Variants in SLC25A21 observed in about 807,000 individuals in gnomAD.
SLC25A21 encodes the protein solute carrier family 25 member 21, also known as mitochondrial 2-oxodicarboxylate carrier.
SLC25A21 carries 47 observed loss-of-function variants against 43.8 expected under a neutral mutation model. The ratio of observed to expected loss-of-function variants is 1.07; its 90% CI spans 0.85 to 1.37. The LOEUF (loss-of-function observed/expected upper bound fraction) is 1.37. Among genes scored for constraint, SLC25A21 ranks in the 40% most tolerant of loss-of-function variants. SLC25A21 has a pLI of 0.00. For missense variants in SLC25A21, 352 were observed against 350.2 expected, an observed-to-expected ratio of 1.00 and a Z score of -0.04; for synonymous variants, 131 against 121.3, an observed-to-expected ratio of 1.08 and a Z score of -0.52.
chr14:37,123,961 G>A (rs1307636796), intron 1 of SLC25A21, among the ~76,000 whole-genome samples: 2 of 151,692 alleles, frequency 1.3e-5, no homozygotes, highest in South Asian at 2.1e-4. Context: ...TCTTTGCTAC[G>A]CTTTTCTCCA....
At chr14:36,712,828 GACA>G (rs1381549334) in intron 6 of SLC25A21, among the ~76,000 whole-genome samples, 1 of 152,144 alleles carries the variant, frequency 6.6e-6, no homozygotes, top group African/African-American at 2.4e-5. Context: ...CTTTCTGTTT[GACA>G]ACATGAGATT....
chr14:36,973,216 A>C (rs1009185139), intron 1 of SLC25A21, among the ~76,000 whole-genome samples: 5 of 152,042 alleles, frequency 3.3e-5, no homozygotes, highest in Non-Finnish European at 5.9e-5. Context: ...AGTGTATGTA[A>C]GACAGATAGG....
chr14:36,911,644 A>T (rs1433562513), intron 1 of SLC25A21, among the ~76,000 whole-genome samples: 2 of 152,196 alleles, frequency 1.3e-5, no homozygotes, highest in African/African-American at 4.8e-5. Flanking sequence ...GAGGCTCTCT[A>T]GTCCCAGCCA....
intron 1 of SLC25A21, among the ~76,000 whole-genome samples, chr14:37,061,642 A>C (rs1349175101): frequency 6.6e-6 from 1 of 152,170 alleles, no homozygotes; most frequent in Non-Finnish European, 1.5e-5. Flanking sequence ...TTAGAAGGGA[A>C]AAGAAACAAA....
At chr14:36,831,622 G>A (rs570677722) in intron 2 of SLC25A21, among the ~76,000 whole-genome samples, 14 of 152,156 alleles carry the variant, frequency 9.2e-5, no homozygotes, top group Non-Finnish European at 1.6e-4. Context: ...CTTGGTGACT[G>A]ACTGTACAGT....
chr14:37,005,049 GCAGGGCTTCCGGTGAT>G (rs1960569800), intron 1 of SLC25A21, among the ~76,000 whole-genome samples: 1 of 151,672 alleles, frequency 6.6e-6, no homozygotes. Flanking sequence ...CCAATGGGAG[GCAGGGCTTCCGGTGAT>G]CTGTACTCAC....
intron 1 of SLC25A21, among the ~76,000 whole-genome samples, chr14:36,975,357 C>A (rs1959845815): frequency 6.6e-6 from 1 of 152,044 alleles, no homozygotes; most frequent in Non-Finnish European, 1.5e-5. Context: ...CCTCCTGTAC[C>A]CCAATAACTT....
chr14:36,902,439 A>G (rs1891421381), intron 1 of SLC25A21, among the ~76,000 whole-genome samples: 1 of 120,538 alleles, frequency 8.3e-6, no homozygotes, highest in Non-Finnish European at 1.7e-5. Context: ...TCGTATAGTA[A>G]AACACACACA....
chr14:37,015,395 T>G (rs1960830501), intron 1 of SLC25A21, among the ~76,000 whole-genome samples: 1 of 152,174 alleles, frequency 6.6e-6, no homozygotes, highest in Admixed American at 6.5e-5. Context: ...GGCTGCATAG[T>G]ATTCCATGGT....
At chr14:37,168,121 C>T (rs1964063104) in intron 1 of SLC25A21, among the ~76,000 whole-genome samples, 1 of 152,022 alleles carries the variant, frequency 6.6e-6, no homozygotes, top group Non-Finnish European at 1.5e-5. Context: ...CTACCATACT[C>T]CTTCCTGCAG....
chr14:36,792,205 C>T (rs558526175), intron 3 of SLC25A21, among the ~76,000 whole-genome samples: 11 of 152,040 alleles, frequency 7.2e-5, no homozygotes, highest in African/African-American at 1.9e-4. Context: ...ATGTGTCCCA[C>T]GCTAGTCCTA....
At chr14:37,124,703 T>G (rs1482408396) in intron 1 of SLC25A21, among the ~76,000 whole-genome samples, 9 of 152,172 alleles carry the variant, frequency 5.9e-5, no homozygotes, top group Non-Finnish European at 1.3e-4. Context: ...CCAAATTTCA[T>G]GTAAATTGTA....
At position 36,713,483 on chromosome 14, in the gene SLC25A21, C is replaced by T. The variant is rs1008071046; in HGVS notation, c.439-2001G>A. Reference sequence around the variant, plus strand: ...AGCAAATGTAATGCATCATTTTAAACTCAAGTGCTTTGTTGAGTTCGGACT... The same window carrying T: ...AGCAAATGTAATGCATCATTTTAAATTCAAGTGCTTTGTTGAGTTCGGACT... On this transcript the variant is annotated intron_variant, in intron 6 of 9. Coordinates refer to ENST00000331299, the MANE Select transcript of SLC25A21 (RefSeq NM_030631.4). Among the ~76,000 whole-genome samples the T allele has an allele frequency of 2.6e-5, 4 of 152,034 alleles. No individual in the cohort carries two copies. In the East Asian group the frequency reaches 5.8e-4, roughly 22 times the overall value.
intron 1 of SLC25A21, among the ~76,000 whole-genome samples, chr14:37,090,708 A>G (rs1409463235): frequency 1.3e-5 from 2 of 152,210 alleles, no homozygotes; most frequent in Non-Finnish European, 2.9e-5. Flanking sequence ...TTTCCTTTCA[A>G]TTAAGAGAAA....
chr14:37,080,175 TTACTC>T (rs1962358808), intron 1 of SLC25A21, among the ~76,000 whole-genome samples: 1 of 152,294 alleles, frequency 6.6e-6, no homozygotes, highest in East Asian at 1.9e-4. Flanking sequence ...ATATCTTTCT[TTACTC>T]TAAGTAAGAT....
intron 1 of SLC25A21, among the ~76,000 whole-genome samples, chr14:37,093,858 A>C (rs963258450): frequency 3.3e-5 from 5 of 152,210 alleles, no homozygotes; most frequent in Non-Finnish European, 5.9e-5. Context: ...TAGTAACTTA[A>C]AGAGAGATCT....
At chr14:37,009,079 C>G (rs1427581761) in intron 1 of SLC25A21, among the ~76,000 whole-genome samples, 1 of 152,192 alleles carries the variant, frequency 6.6e-6, no homozygotes, top group Non-Finnish European at 1.5e-5. Context: ...TTTTCCCCTA[C>G]CCCTACCCCA....
intron 1 of SLC25A21, among the ~76,000 whole-genome samples, chr14:37,011,693 T>C (rs1960736684): frequency 6.6e-6 from 1 of 152,178 alleles, no homozygotes; most frequent in Admixed American, 6.5e-5. Flanking sequence ...CGCCAGGCAC[T>C]GTTGCAAGCA....
intron 9 of SLC25A21, among the ~76,000 whole-genome samples, 161 bp downstream of exon 9, chr14:36,683,667 A>C (rs1797197793): frequency 6.6e-6 from 1 of 152,232 alleles, no homozygotes; most frequent in Non-Finnish European, 1.5e-5. Context: ...TTTCTAATGG[A>C]TGTCTTCAGT....
Sources: allele counts gnomAD v4.1 joint callset (sites outside exome capture counted in the v4.1 genomes callset), GRCh38; gene constraint gnomAD v4.1.1; transcripts MANE v1.5; gene names NCBI Gene and HGNC (gene_info 2026-07-23, HGNC 2026-07-21).